Variants in LHFPL3 observed in about 807,000 individuals in gnomAD.
LHFPL3 encodes the protein LHFPL tetraspan subfamily member 3 protein.
In LHFPL3, 5 loss-of-function variants were observed where a neutral mutation model predicts 19.3. The observed-to-expected ratio is 0.26, with a 90% CI of 0.14 to 0.54. The LOEUF (loss-of-function observed/expected upper bound fraction) is 0.54, where lower values mean the gene tolerates loss of function less well. LHFPL3 is among the 20% of genes least tolerant of loss of function. LHFPL3 has a pLI of 0.94. For missense variants in LHFPL3, 249 were observed against 307.4 expected, an observed-to-expected ratio of 0.81 and a Z score of 1.42; for synonymous variants, 133 against 126.2, an observed-to-expected ratio of 1.05 and a Z score of -0.36.
At chr7:104,686,632 T>C (rs1792811259) in intron 1 of LHFPL3, among the ~76,000 whole-genome samples, 1 of 152,142 alleles carries the variant, frequency 6.6e-6, no homozygotes, top group African/African-American at 2.4e-5. Context: ...ATCCCATAGG[T>C]TGAGGGCTCA....
intron 1 of LHFPL3, among the ~76,000 whole-genome samples, chr7:104,722,966 C>G (rs768539156): frequency 6.6e-6 from 1 of 152,120 alleles, no homozygotes; most frequent in Non-Finnish European, 1.5e-5. Flanking sequence ...GTTAAAAGCC[C>G]CAAATGGGAT....
chr7:104,752,684 A>G (rs910275201), intron 2 of LHFPL3: 4 of 385,140 alleles, frequency 1.0e-5, no homozygotes, highest in African/African-American at 8.4e-5. Flanking sequence ...CCCCATTATC[A>G]CCCTAGCTTC....
chr7:104,366,831 A>G (rs1790504575), intron 1 of LHFPL3, among the ~76,000 whole-genome samples: 2 of 152,218 alleles, frequency 1.3e-5, no homozygotes. Context: ...ATGAGAACCT[A>G]GGTAACTTGT....
At chr7:104,416,914 A>G (rs1791632804) in intron 1 of LHFPL3, among the ~76,000 whole-genome samples, 1 of 152,164 alleles carries the variant, frequency 6.6e-6, no homozygotes, top group African/African-American at 2.4e-5. Context: ...AGGGGAAGAG[A>G]GCAGGAGGAG....
At chr7:104,695,103 C>T (rs1457920578) in intron 1 of LHFPL3, among the ~76,000 whole-genome samples, 2 of 148,090 alleles carry the variant, frequency 1.4e-5, no homozygotes, top group African/African-American at 5.0e-5. Flanking sequence ...ATTAGGACTC[C>T]ACAAGATTTC....
intron 1 of LHFPL3, among the ~76,000 whole-genome samples, chr7:104,485,184 C>T (rs1189779366): frequency 1.3e-5 from 2 of 152,056 alleles, no homozygotes; most frequent in Non-Finnish European, 2.9e-5. Flanking sequence ...TTCTCATCCT[C>T]TCATTTCCTA....
chr7:104,884,648 C>T (rs1393393821), intron 2 of LHFPL3, among the ~76,000 whole-genome samples: 1 of 152,114 alleles, frequency 6.6e-6, no homozygotes, highest in Non-Finnish European at 1.5e-5. Context: ...TAAAGTAATT[C>T]ACATTGAATT....
intron 1 of LHFPL3, among the ~76,000 whole-genome samples, chr7:104,641,844 T>C (rs1791841459): frequency 6.6e-6 from 1 of 152,126 alleles, no homozygotes; most frequent in Admixed American, 6.5e-5. Context: ...AAAAATACTT[T>C]CCCCTGTATG....
At chr7:104,478,942 G>C (rs544595477) in intron 1 of LHFPL3, among the ~76,000 whole-genome samples, 3 of 152,304 alleles carry the variant, frequency 2.0e-5, no homozygotes, top group Non-Finnish European at 4.4e-5. Context: ...TAGTCTTTAA[G>C]AGTTGTGCAG....
chr7:104,415,695 C>T (rs572075305), intron 1 of LHFPL3, among the ~76,000 whole-genome samples: 1 of 152,238 alleles, frequency 6.6e-6, no homozygotes, highest in Non-Finnish European at 1.5e-5. Context: ...TAATGTGACA[C>T]ATAAGTATTT....
chr7:104,457,268 C>T (rs1584332438), intron 1 of LHFPL3, among the ~76,000 whole-genome samples: 1 of 151,490 alleles, frequency 6.6e-6, no homozygotes. Flanking sequence ...ATCCCTCCCC[C>T]ATCCCCCCAC....
At chr7:104,433,122 G>C (rs572569422) in intron 1 of LHFPL3, among the ~76,000 whole-genome samples, 4 of 152,206 alleles carry the variant, frequency 2.6e-5, no homozygotes, top group Middle Eastern at 6.8e-3. Context: ...CTTTTTAAAA[G>C]CTTGCCTTTT....
At chr7:104,825,776 G>T (rs1790805807) in intron 2 of LHFPL3, among the ~76,000 whole-genome samples, 1 of 151,840 alleles carries the variant, frequency 6.6e-6, no homozygotes, top group African/African-American at 2.4e-5. Context: ...AGTTGCAGCA[G>T]CTCCAACACA....
intron 2 of LHFPL3, among the ~76,000 whole-genome samples, chr7:104,804,568 A>G (rs1368180466): frequency 1.3e-5 from 2 of 152,204 alleles, no homozygotes; most frequent in South Asian, 2.1e-4. Flanking sequence ...ATTAAGTTAC[A>G]TAAGATTGTG....
intron 1 of LHFPL3, among the ~76,000 whole-genome samples, chr7:104,513,454 G>T (rs139008045): frequency 6.6e-6 from 1 of 152,214 alleles, no homozygotes; most frequent in Non-Finnish European, 1.5e-5. Context: ...AAGAGAGAAC[G>T]TGAGGGAGAA....
chr7:104,545,771 C>T (rs1022841483), intron 1 of LHFPL3, among the ~76,000 whole-genome samples: 3 of 152,210 alleles, frequency 2.0e-5, no homozygotes, highest in Non-Finnish European at 4.4e-5. Flanking sequence ...ATAATTGGAG[C>T]TCACTGCTTT....
chr7:104,707,387 G>A (rs12705267), intron 1 of LHFPL3, among the ~76,000 whole-genome samples: 66,590 of 152,062 alleles, frequency 0.44, 15,779 homozygotes, highest in East Asian at 0.69. Flanking sequence ...GGTCAAGTTT[G>A]ACCTGCAAAA....
intron 1 of LHFPL3, among the ~76,000 whole-genome samples, chr7:104,674,440 C>T (rs56353009): frequency 0.39 from 57,309 of 148,506 alleles, 11,301 homozygotes; most frequent in South Asian, 0.53. Flanking sequence ...GCAATCTTGG[C>T]TCACTGCAAC....
Position 104,795,931 on chromosome 7 carries a change from G to A in LHFPL3, c.682+59020G>A, listed in dbSNP as rs78771642. On this transcript the variant is annotated intron_variant, in intron 2 of 2. Coordinates refer to ENST00000424859, the MANE Select transcript of LHFPL3 (RefSeq NM_199000.3). ...GAGACATACAAAGTGTGTTAACTTC[G>A]TTCCTATTAGAATTCACCTAAAATA... 2.7e-3 allele frequency among the ~76,000 whole-genome samples: 405 copies of A among 152,232 alleles called. 5 individuals are homozygous for A. The highest frequency in any genetic ancestry group is 0.024 in the East Asian group (125 of 5,184).
Sources: allele counts gnomAD v4.1 joint callset (sites outside exome capture counted in the v4.1 genomes callset), GRCh38; gene constraint gnomAD v4.1.1; transcripts MANE v1.5; gene names NCBI Gene and HGNC (gene_info 2026-07-23, HGNC 2026-07-21).